EGFLAM: variants seen among roughly 807,000 people sequenced by gnomAD.
EGFLAM encodes EGF like, fibronectin type III and laminin G domains.
A neutral mutation model predicts 113.1 loss-of-function variants in EGFLAM; 79 were observed. That is an observed-to-expected ratio of 0.70 (90% CI 0.58 to 0.84). The LOEUF is 0.84. EGFLAM is among the 40% of genes least tolerant of loss of function. The probability of loss-of-function intolerance (pLI) is 0.00; values close to 1 mark genes in which losing one functional copy is unlikely to be tolerated. For synonymous variants in EGFLAM, 504 were observed against 487.6 expected (o/e 1.03, Z -0.44); for missense variants, 1,265 against 1,291.6 (o/e 0.98, Z 0.32).
chr5:38,269,508 T>TA (rs1416710827), intron 1 of EGFLAM, among the ~76,000 whole-genome samples: 1 of 150,844 alleles, frequency 6.6e-6, no homozygotes, highest in Non-Finnish European at 1.5e-5. Flanking sequence ...TTTTTTTTTT[T>TA]AGACGGAGTC....
At chr5:38,307,376 C>T (rs781356848) in intron 1 of EGFLAM, among the ~76,000 whole-genome samples, 4 of 151,798 alleles carry the variant, frequency 2.6e-5, no homozygotes, top group Non-Finnish European at 4.4e-5. Context: ...ATCCCTCATG[C>T]TGTTCTCATG....
chr5:38,345,085 T>G (rs1457118073), intron 3 of EGFLAM, among the ~76,000 whole-genome samples: 1 of 152,176 alleles, frequency 6.6e-6, no homozygotes, highest in African/African-American at 2.4e-5. Context: ...ATTTCAGAAC[T>G]AGTTAGTGAT....
intron 10 of EGFLAM, among the ~76,000 whole-genome samples, chr5:38,409,962 CCTT>C (rs1417042242): frequency 1.3e-5 from 2 of 152,116 alleles, no homozygotes; most frequent in African/African-American, 2.4e-5. Flanking sequence ...CCAGCCTTGT[CCTT>C]CTCCGTGGCG....
intron 1 of EGFLAM, among the ~76,000 whole-genome samples, chr5:38,281,306 G>A (rs1758015658): frequency 6.6e-6 from 1 of 151,940 alleles, no homozygotes; most frequent in Admixed American, 6.6e-5. Context: ...CATATCTAGT[G>A]TTGCCAGATA....
At chr5:38,283,839 A>C (rs887509346) in intron 1 of EGFLAM, 18 of 152,250 alleles carry the variant, frequency 1.2e-4, no homozygotes, top group African/African-American at 4.3e-4. Context: ...CCCTCAGCCC[A>C]GGTTTGTAAG....
chr5:38,463,192 G>T (rs1743349167), intron 21 of EGFLAM, among the ~76,000 whole-genome samples, 181 bp downstream of exon 21: 1 of 152,150 alleles, frequency 6.6e-6, no homozygotes, highest in South Asian at 2.1e-4. Context: ...GGCAGGAAGG[G>T]CTCCCTTCGA....
intron 7 of EGFLAM, 115 bp from the exon 8 acceptor site, chr5:38,406,713 C>T (rs976701710): frequency 2.1e-6 from 2 of 961,326 alleles, no homozygotes; most frequent in Admixed American, 2.6e-5. Flanking sequence ...CCATCTCCAT[C>T]CTAGGGTTTT....
Position 38,370,318 on chromosome 5 carries a change from A to T in EGFLAM, c.568A>T (p.Thr190Ser), listed in dbSNP as rs139651601. The T allele has an allele frequency of 5.7e-5, 92 of 1,613,990 alleles. 1 individual carries two copies. The African/African-American group carries it at 9.1e-4, about 16-fold the overall frequency. The stretch of plus-strand genomic sequence containing the variant: ...AAGGCCAGATTTCGACAAGAAGTGG[A>T]CCTCAATCCATGAGCGGATCCAGAT... ...FIRPDFDKKW[T>S]SIHERIQMDS... The change falls in exon 6 of 22, where the codon ACC becomes TCC. Residue 190 changes from threonine (T) to serine (S), a missense_variant. Physicochemically the swap from Thr to Ser is moderately conservative, Grantham distance 58 (BLOSUM62 1). Coordinates refer to ENST00000322350, the MANE Select transcript of EGFLAM (RefSeq NM_152403.4).
intron 4 of EGFLAM, among the ~76,000 whole-genome samples, chr5:38,350,822 A>G (rs192756133): frequency 8.2e-4 from 125 of 152,342 alleles, no homozygotes; most frequent in African/African-American, 2.7e-3. Flanking sequence ...GTGTAGTTGC[A>G]GAGTGTGATA....
At chr5:38,260,277 A>C (rs1461137990) in intron 1 of EGFLAM, among the ~76,000 whole-genome samples, 4 of 152,264 alleles carry the variant, frequency 2.6e-5, no homozygotes, top group Non-Finnish European at 5.9e-5. Flanking sequence ...ACATGAAATC[A>C]TCTATTAATT....
intron 5 of EGFLAM, among the ~76,000 whole-genome samples, chr5:38,357,813 A>G (rs1401745120): frequency 2.6e-5 from 4 of 151,204 alleles, no homozygotes; most frequent in Non-Finnish European, 4.4e-5. Context: ...TTGCTATTCA[A>G]TGGAGATAAA....
At position 38,462,994 on chromosome 5, in the gene EGFLAM, A is replaced by G. The variant is rs761267268; in HGVS notation, c.2858A>G (p.Asn953Ser). The G allele has an allele frequency of 9.7e-5, 157 of 1,614,028 alleles. 2 individuals are homozygous for G. Among genetic ancestry groups the G allele is most frequent in the South Asian group, 9.7e-4 (88 of 91,074 alleles). ...SPGMMRQLNI[N>S]GALYVGGMKE... is the part of the protein sequence containing the mutation. Reference sequence around the variant, plus strand: ...GGCATGATGCGGCAGCTTAACATCAATGGAGCTCTGTATGTGGGTAAGTGA... The same window carrying G: ...GGCATGATGCGGCAGCTTAACATCAGTGGAGCTCTGTATGTGGGTAAGTGA... The change falls in exon 21 of 22, where the codon AAT becomes AGT. Residue 953 changes from asparagine (N) to serine (S), a missense_variant. Transcript: ENST00000322350.
intron 6 of EGFLAM, among the ~76,000 whole-genome samples, chr5:38,383,640 C>A (rs1318455376): frequency 1.3e-5 from 2 of 152,068 alleles, no homozygotes; most frequent in Non-Finnish European, 2.9e-5. Context: ...TGAGGTATAT[C>A]TGTGGGAGAG....
At chr5:38,359,414 C>T (rs970269863) in intron 5 of EGFLAM, among the ~76,000 whole-genome samples, 4 of 152,186 alleles carry the variant, frequency 2.6e-5, no homozygotes, top group East Asian at 1.9e-4. Context: ...CAGTGGCTCA[C>T]GCCTGTAATC....
intron 17 of EGFLAM, 116 bp from the exon 18 acceptor site, chr5:38,448,185 T>A: frequency 9.0e-7 from 1 of 1,117,020 alleles, no homozygotes; most frequent in African/African-American, 1.5e-5. Context: ...GGGAAGGGGC[T>A]GATGAATTGT....
At chr5:38,338,222 C>T (rs1019991076) in intron 2 of EGFLAM, among the ~76,000 whole-genome samples, 4 of 152,170 alleles carry the variant, frequency 2.6e-5, no homozygotes, top group Non-Finnish European at 5.9e-5. Context: ...TCCTCTCCAC[C>T]TGCTGGAACT....
At chr5:38,411,462 G>A (rs1444580543) in intron 10 of EGFLAM, among the ~76,000 whole-genome samples, 3 of 150,252 alleles carry the variant, frequency 2.0e-5, no homozygotes, top group Admixed American at 6.6e-5. Context: ...ATGCGGATTA[G>A]CTACTACCTT....
chr5:38,451,650 C>A, intron 19 of EGFLAM, 192 bp downstream of exon 19: 1 of 805,894 alleles, frequency 1.2e-6, no homozygotes, highest in Non-Finnish European at 1.8e-6. Context: ...AGTCAGCAAA[C>A]TATGGCCTGC....
rs373001856 is a variant in EGFLAM at position 38,438,623 on chromosome 5, A to G, written c.2464+168A>G. On this transcript the variant is annotated intron_variant, in intron 17 of 21. Coordinates refer to ENST00000322350, the MANE Select transcript of EGFLAM (RefSeq NM_152403.4). Reference sequence around the variant, plus strand: ...ATTAGATGATTATTTATAAACTACCATAATTCCTTAATAAGAGTTAAATGC... The same window carrying G: ...ATTAGATGATTATTTATAAACTACCGTAATTCCTTAATAAGAGTTAAATGC... 3.8e-4 allele frequency among the ~76,000 whole-genome samples: 58 copies of G among 152,376 alleles called. No homozygotes were observed. In the East Asian group the frequency reaches 6.6e-3, roughly 17 times the overall value.
Sources: gnomAD v4.1 joint callset for allele counts (sites outside exome capture counted in the v4.1 genomes callset) on GRCh38, gnomAD v4.1.1 for gene constraint, MANE v1.5 for transcripts, NCBI Gene and HGNC (gene_info 2026-07-23, HGNC 2026-07-21) for gene names.